The following RNPS1 variants were observed in gnomAD, a reference collection of about 807,000 sequenced individuals.
The protein encoded by RNPS1 is RNA binding protein with serine rich domain 1.
For missense variants in RNPS1, 300 were observed against 427.6 expected, an observed-to-expected ratio of 0.70 and a Z score of 2.63; for synonymous variants, 147 against 150.0, an observed-to-expected ratio of 0.98 and a Z score of 0.15.
In RNPS1 at chr16:2,253,548, G is replaced by A. The variant is rs963538043; in HGVS notation, c.*416C>T. The A allele has an allele frequency of 3.7e-5, 12 of 322,362 alleles. No homozygotes were observed. Among genetic ancestry groups the A allele is most frequent in the Non-Finnish European group, 6.6e-5 (11 of 167,562 alleles). 20.0% of individuals were successfully genotyped at this position (322,362 alleles called of 1,614,324 possible). A position where few individuals can be genotyped will look rare whatever the true frequency, so the allele number is the denominator to read the frequency against. On this transcript the variant is annotated 3_prime_UTR_variant, in exon 8 of 8. Transcript: ENST00000320225. ...TAACAGGGTTGGCAGCTGCACTAAAGCCTGGGGCAGCTCCCTTTCCAAAAG... is the reference window on the plus strand; with the variant it reads ...TAACAGGGTTGGCAGCTGCACTAAAACCTGGGGCAGCTCCCTTTCCAAAAG...
chr16:2,264,515 G>T, intron 2 of RNPS1, 58 bp downstream of exon 2: 1 of 1,565,028 alleles, frequency 6.4e-7, no homozygotes, highest in South Asian at 1.1e-5. Context: ...CCCTTTCTGC[G>T]GGTCCCTAGC....
chr16:2,255,009 T>A (rs2093571334), intron 7 of RNPS1, among the ~76,000 whole-genome samples: 1 of 152,164 alleles, frequency 6.6e-6, no homozygotes, highest in South Asian at 2.1e-4. Context: ...CCCAAAGTGA[T>A]TACAGGCCTG....
At position 2,253,996 on chromosome 16, in the gene RNPS1, T is replaced by G. The variant is rs1473321576; in HGVS notation, c.886A>C (p.Arg296=). The G allele has an allele frequency of 1.9e-6, 3 of 1,541,272 alleles. No individual in the cohort carries two copies. In the East Asian group the frequency reaches 7.3e-5, roughly 38 times the overall value. Residue 296 remains arginine, a synonymous_variant, in exon 8 of 8, where the codon AGG becomes CGG. Transcript: ENST00000320225. ...GAGGAGTTGGAGCTGGAGCGGCTCCTGTGGCGGCGGCGGCCCGGGGACCGT... is the reference window on the plus strand; with the variant it reads ...GAGGAGTTGGAGCTGGAGCGGCTCCGGTGGCGGCGGCGGCCCGGGGACCGT... ...RSRSPGRRRH[R]SRSSSNSSR
intron 6 of RNPS1, chr16:2,257,223 G>A (rs1339213696): frequency 6.6e-6 from 1 of 152,200 alleles, no homozygotes; most frequent in Non-Finnish European, 1.5e-5. Flanking sequence ...TCTGGTAGCT[G>A]GGGATACTGG....
In RNPS1 at chr16:2,262,439, G is replaced by A. The variant is rs1057316653; in HGVS notation, c.523-8C>T. ...TATCTCCATGATGTGATCCTAGAGG[G>A]AAAGAAGGGTCACGCCAACGCCCAG... On this transcript the variant is annotated splice_polypyrimidine_tract_variant and splice_region_variant and intron_variant, in intron 5 of 7. Transcript: ENST00000320225. The A allele has an allele frequency of 1.2e-6, 2 of 1,613,880 alleles. No homozygotes were observed. The highest frequency in any genetic ancestry group is 1.1e-5 in the South Asian group (1 of 91,074).
intron 6 of RNPS1, among the ~76,000 whole-genome samples, chr16:2,261,023 G>A (rs1335447016): frequency 3.9e-5 from 6 of 152,054 alleles, no homozygotes; most frequent in African/African-American, 9.7e-5. Context: ...CCAGCTACTC[G>A]GGAGGCTGAG....
rs1440013351 is a variant in RNPS1 at position 2,263,271 on chromosome 16, T to C, written c.244A>G (p.Thr82Ala). The C allele has an allele frequency of 6.2e-7, 1 of 1,613,830 alleles. No individual in the cohort carries two copies. The highest frequency in any genetic ancestry group is 2.2e-5 in the East Asian group (1 of 44,858). ...SSSTRSRSSS[T>A]SSSGSSTSTG... ...CTGGTGCTGGAGCCTGAGCTGGAAG[T>C]CGAGCTGGACCGAGACCTGAGGGCA... The change falls in exon 4 of 8, where the codon ACT becomes GCT. Residue 82 changes from threonine to alanine, a missense_variant. Coordinates refer to ENST00000320225, the MANE Select transcript of RNPS1 (RefSeq NM_080594.4).
intron 6 of RNPS1, 49 bp downstream of exon 6, chr16:2,262,229 G>T: frequency 6.4e-7 from 1 of 1,569,164 alleles, no homozygotes; most frequent in Non-Finnish European, 8.7e-7. Context: ...AAAGCCCCTC[G>T]CGGCGGCGGG....
At chr16:2,266,053 TGC>T in intron 1 of RNPS1, 1 of 930,656 alleles carries the variant, frequency 1.1e-6, no homozygotes, top group South Asian at 5.0e-5. Flanking sequence ...CTGCACAAGC[TGC>T]AGGAGTTGTT....
chr16:2,264,051 G>A, intron 3 of RNPS1, 125 bp downstream of exon 3: 1 of 1,179,188 alleles, frequency 8.5e-7, no homozygotes, highest in Non-Finnish European at 1.2e-6. Context: ...ATAAATTAGG[G>A]TCTCTACTAA....
intron 6 of RNPS1, chr16:2,257,231 T>C (rs155245): frequency 0.072 from 10,881 of 152,178 alleles, 1,307 homozygotes; most frequent in African/African-American, 0.25. Flanking sequence ...CTGGGGATAC[T>C]GGGAGCCCAA....
intron 7 of RNPS1, 136 bp from the exon 8 acceptor site, chr16:2,254,199 G>A (rs1417060755): frequency 2.4e-5 from 15 of 614,468 alleles, no homozygotes; most frequent in South Asian, 1.5e-4. Flanking sequence ...GCAGTGGCAC[G>A]ATCTCAGCTC....
intron 1 of RNPS1, chr16:2,267,516 G>A: frequency 9.9e-7 from 1 of 1,012,874 alleles, no homozygotes; most frequent in Non-Finnish European, 1.2e-6. Context: ...ACGGGAGTCC[G>A]GGAAACGTTC....
At chr16:2,261,073 TGGGCCGAGGTG>T (rs2093601254) in intron 6 of RNPS1, among the ~76,000 whole-genome samples, 1 of 150,186 alleles carries the variant, frequency 6.7e-6, no homozygotes, top group African/African-American at 2.5e-5. Flanking sequence ...GAGCTTGCAG[TGGGCCGAGGTG>T]GTGCTACTGC....
chr16:2,267,020 C>A, intron 1 of RNPS1: 1 of 363,940 alleles, frequency 2.7e-6, no homozygotes, highest in Non-Finnish European at 3.8e-6. Flanking sequence ...CAGCCCCACC[C>A]CCCCAAGAAC....
intron 1 of RNPS1, chr16:2,267,251 G>A: frequency 3.0e-6 from 3 of 985,424 alleles, no homozygotes; most frequent in Non-Finnish European, 3.6e-6. Context: ...CAGCCAGAGA[G>A]AGGAGAGAAC....
At chr16:2,267,427 A>G (rs1483096661) in intron 1 of RNPS1, 1 of 972,320 alleles carries the variant, frequency 1.0e-6, no homozygotes, top group African/African-American at 1.8e-5. Flanking sequence ...CCTCTGGGGT[A>G]ACCCATCAAA....
At chr16:2,261,510 T>C (rs1018381372) in intron 6 of RNPS1, among the ~76,000 whole-genome samples, 1 of 152,328 alleles carries the variant, frequency 6.6e-6, no homozygotes, top group Admixed American at 6.5e-5. Context: ...TAAATACATA[T>C]ACATGCATGA....
intron 1 of RNPS1, chr16:2,265,293 T>A (rs1268481596): frequency 6.6e-6 from 1 of 152,188 alleles, no homozygotes; most frequent in East Asian, 1.9e-4. Flanking sequence ...CATATGAACA[T>A]CTAAAAAGCA....
Sources: allele counts gnomAD v4.1 joint callset (sites outside exome capture counted in the v4.1 genomes callset), GRCh38; gene constraint gnomAD v4.1.1; transcripts MANE v1.5; gene names NCBI Gene and HGNC (gene_info 2026-07-23, HGNC 2026-07-21).